The following ARSF variants were observed in gnomAD, a reference collection of about 807,000 sequenced individuals.
ARSF encodes arylsulfatase F.
ARSF carries 33 observed loss-of-function variants against 35.4 expected under a neutral mutation model. That is an observed-to-expected ratio of 0.93 (90% CI 0.71 to 1.25). The LOEUF is 1.25. Among genes scored for constraint, ARSF ranks in the 50% most tolerant of loss-of-function variants. The pLI is 0.00. For missense variants in ARSF, 501 were observed against 480.2 expected, an observed-to-expected ratio of 1.04 and a Z score of -0.40; for synonymous variants, 222 against 193.1, an observed-to-expected ratio of 1.15 and a Z score of -1.24.
intron 1 of ARSF, among the ~76,000 whole-genome samples, chrX:3,061,398 C>T (rs370658234): frequency 3.6e-5 from 4 of 111,309 alleles, no homozygotes; most frequent in African/African-American, 1.3e-4. Context: ...CATCAACTAA[C>T]GAGCAAAATA....
At chrX:3,052,602 G>C (rs1482685988) in intron 1 of ARSF, among the ~76,000 whole-genome samples, 1 of 109,302 alleles carries the variant, frequency 9.1e-6, no homozygotes, top group Non-Finnish European at 1.9e-5. Flanking sequence ...GCTGAGGCAG[G>C]AGGATCACTT....
At chrX:3,107,304 A>G (rs988475904) in intron 9 of ARSF, among the ~76,000 whole-genome samples, 1 of 112,233 alleles carries the variant, frequency 8.9e-6, no homozygotes. Flanking sequence ...ATTAGTCATT[A>G]TCAAAATTTA....
At chrX:3,097,030 TC>T (rs199675140) in intron 7 of ARSF, among the ~76,000 whole-genome samples, 2,372 of 110,605 alleles carry the variant, frequency 0.021, 67 homozygotes, top group African/African-American at 0.075. Context: ...TAAGGAAAGG[TC>T]CTCCCCTAGA....
At chrX:3,076,061 C>T (rs1262143893) in intron 3 of ARSF, among the ~76,000 whole-genome samples, 1 of 108,398 alleles carries the variant, frequency 9.2e-6, no homozygotes, top group African/African-American at 3.4e-5. Flanking sequence ...CTTTCTGTCT[C>T]TCTCTTAATC....
intron 1 of ARSF, among the ~76,000 whole-genome samples, chrX:3,051,709 T>A (rs1415693075): frequency 9.0e-6 from 1 of 111,699 alleles, no homozygotes; most frequent in Non-Finnish European, 1.9e-5. Flanking sequence ...AGGTTAAAAA[T>A]TTGGCCAGGC....
chrX:3,058,626 G>A, intron 1 of ARSF: 1 of 327,100 alleles, frequency 3.1e-6, no homozygotes, highest in Non-Finnish European at 5.9e-6. Flanking sequence ...GCCAAGGCAG[G>A]AGGATTCTTT....
chrX:3,072,279 C>T, intron 3 of ARSF, 104 bp downstream of exon 3: 2 of 849,486 alleles, frequency 2.4e-6, no homozygotes, highest in East Asian at 3.5e-5. Context: ...TTTGTTGGGA[C>T]TTTTTTTTAA....
chrX:3,110,757 G>C (rs1414370293), intron 10 of ARSF, among the ~76,000 whole-genome samples: 1 of 111,024 alleles, frequency 9.0e-6, no homozygotes, highest in Non-Finnish European at 1.9e-5. Context: ...AATTAGCCAG[G>C]CATGGTGGTG....
chrX:3,041,792 G>A (rs948405871), intron 1 of ARSF, 129 bp downstream of exon 1: 2 of 112,054 alleles, frequency 1.8e-5, no homozygotes, highest in Non-Finnish European at 3.8e-5. Flanking sequence ...CATTTTTTAC[G>A]TGCTTTAGCC....
intron 7 of ARSF, among the ~76,000 whole-genome samples, chrX:3,098,294 C>T (rs771241864): frequency 1.7e-4 from 19 of 109,474 alleles, no homozygotes; most frequent in Non-Finnish European, 2.8e-4. Context: ...GAAGATTTTC[C>T]GAGAAATAAT....
chrX:3,047,014 G>T (rs1250185946), intron 1 of ARSF, among the ~76,000 whole-genome samples: 1 of 110,396 alleles, frequency 9.1e-6, no homozygotes, highest in Non-Finnish European at 1.9e-5. Flanking sequence ...TTACACATTT[G>T]TGTTGGGCCA....
chrX:3,092,954 C>G (rs1353683265), intron 7 of ARSF, among the ~76,000 whole-genome samples: 1 of 111,857 alleles, frequency 8.9e-6, no homozygotes, highest in Non-Finnish European at 1.9e-5. Context: ...GGGTGGATAA[C>G]GAGTTCAGGC....
At chrX:3,101,817 C>T (rs1159669135) in intron 8 of ARSF, among the ~76,000 whole-genome samples, 1 of 111,701 alleles carries the variant, frequency 9.0e-6, no homozygotes, top group East Asian at 2.8e-4. Context: ...ATATTATCTT[C>T]ATTTGTGAAA....
At chrX:3,093,028 T>C (rs1018767515) in intron 7 of ARSF, among the ~76,000 whole-genome samples, 23 of 110,610 alleles carry the variant, frequency 2.1e-4, no homozygotes, top group Admixed American at 1.2e-3. Context: ...AACACATCCG[T>C]GGTGGCGGGC....
In ARSF at chrX:3,084,504, T is replaced by C. The variant is rs773432839; in HGVS notation, c.668T>C (p.Ile223Thr). The C allele has an allele frequency of 7.4e-6, 9 of 1,209,197 alleles. No individual in the cohort carries two copies. In the Admixed American group the frequency reaches 1.3e-4, roughly 18 times the overall value. Reference protein sequence around the residue: ...SVPWLLIFSMILFIFLLGYAW... With the variant: ...SVPWLLIFSMTLFIFLLGYAW... ...CCCTGGCTCCTGATCTTCTCCATGA[T>C]TCTGTTTATTTTCCTCTTGGGCTAT... is the stretch of plus-strand genomic sequence containing the variant. The change falls in exon 6 of 11, where the codon ATT becomes ACT. Residue 223 changes from isoleucine (I) to threonine (T), a missense_variant. Coordinates refer to ENST00000381127, the MANE Select transcript of ARSF (RefSeq NM_001201539.2).
intron 8 of ARSF, among the ~76,000 whole-genome samples, chrX:3,101,841 A>C (rs1015787120): frequency 8.9e-6 from 1 of 112,542 alleles, no homozygotes; most frequent in Non-Finnish European, 1.9e-5. Context: ...GGATTAAAAA[A>C]AGAAAAAGAA....
intron 1 of ARSF, among the ~76,000 whole-genome samples, chrX:3,059,757 G>A (rs1164203663): frequency 8.9e-6 from 1 of 112,672 alleles, no homozygotes; most frequent in Non-Finnish European, 1.9e-5. Flanking sequence ...CATTGCTGAG[G>A]CTTGAGTAGG....
chrX:3,059,857 C>A (rs2090034658), intron 1 of ARSF, among the ~76,000 whole-genome samples: 1 of 112,788 alleles, frequency 8.9e-6, no homozygotes, highest in Admixed American at 9.4e-5. Context: ...CCTCTGGGGG[C>A]AGGGTATAGC....
intron 7 of ARSF, among the ~76,000 whole-genome samples, chrX:3,093,038 C>A (rs892901215): frequency 1.9e-5 from 2 of 107,571 alleles, no homozygotes; most frequent in South Asian, 7.6e-4. Context: ...TGGTGGCGGG[C>A]GTCTGTAGTC....
Sources: allele counts gnomAD v4.1 joint callset (sites outside exome capture counted in the v4.1 genomes callset), GRCh38; gene constraint gnomAD v4.1.1; transcripts MANE v1.5; gene names NCBI Gene and HGNC (gene_info 2026-07-23, HGNC 2026-07-21).